The following SYNJ2BP variants were observed in gnomAD, a reference collection of about 807,000 sequenced individuals.
The protein encoded by SYNJ2BP is synaptojanin 2 binding protein, also known as synaptojanin-2-binding protein.
A neutral mutation model predicts 16.9 loss-of-function variants in SYNJ2BP; 10 were observed. That is an observed-to-expected ratio of 0.59 (90% CI 0.36 to 1.00). The LOEUF (loss-of-function observed/expected upper bound fraction) is 1.00, where lower values mean the gene tolerates loss of function less well. Ranked by LOEUF, SYNJ2BP falls within the 50% of genes least tolerant of loss-of-function variation. The pLI, the probability that SYNJ2BP is intolerant of heterozygous loss-of-function variation, is 0.01. For synonymous variants in SYNJ2BP, 54 were observed against 68.4 expected (o/e 0.79, Z 1.04); for missense variants, 162 against 186.7 (o/e 0.87, Z 0.77).
intron 1 of SYNJ2BP, among the ~76,000 whole-genome samples, chr14:70,408,498 C>T (rs910105542): frequency 3.3e-5 from 5 of 152,008 alleles, no homozygotes; most frequent in Non-Finnish European, 7.4e-5. Context: ...TGGTGAAACC[C>T]CATCTCTACT....
Position 70,368,744 on chromosome 14 carries a change from A to G in SYNJ2BP, c.*4247T>C, listed in dbSNP as rs569172006. 32 of 152,336 alleles carry G rather than the reference A, an allele frequency of 2.1e-4. No homozygotes were observed. The highest frequency in any genetic ancestry group is 1.8e-3 in the Admixed American group (27 of 15,304). 9.4% of individuals were successfully genotyped at this position (152,336 alleles called of 1,614,324 possible). A position where few individuals can be genotyped will look rare whatever the true frequency, so the allele number is the denominator to read the frequency against. ...TGCCTGAAGCAATGTATGTAATTTAATAATTTAAATAGTGTTTAATTAAAT... is the reference window on the plus strand; with the variant it reads ...TGCCTGAAGCAATGTATGTAATTTAGTAATTTAAATAGTGTTTAATTAAAT... On this transcript the variant is annotated 3_prime_UTR_variant, in exon 4 of 4. Coordinates refer to ENST00000256366, the MANE Select transcript of SYNJ2BP (RefSeq NM_018373.3).
At chr14:70,375,802 G>A (rs766430181) in intron 2 of SYNJ2BP, 31 bp from the exon 3 acceptor site, 14 of 1,607,216 alleles carry the variant, frequency 8.7e-6, no homozygotes, top group African/African-American at 6.7e-5. Flanking sequence ...AGTAAGAAAG[G>A]AAGAAGGCTA....
intron 1 of SYNJ2BP, among the ~76,000 whole-genome samples, chr14:70,395,042 G>T (rs1486852801): frequency 6.6e-6 from 1 of 152,172 alleles, no homozygotes; most frequent in Non-Finnish European, 1.5e-5. Flanking sequence ...TCTAAGCATT[G>T]CTGGCTATCT....
chr14:70,400,604 G>GTTTAAACATTTAGCTTTATCTTACCTAA (rs1294955027), intron 1 of SYNJ2BP, among the ~76,000 whole-genome samples: 37 of 152,068 alleles, frequency 2.4e-4, no homozygotes, highest in Non-Finnish European at 4.6e-4. Context: ...TCCACAACTT[G>GTTTAAACATTTAGCTTTATCTTACCTAA]TTTAAACATT....
At chr14:70,407,019 A>G (rs1888360021) in intron 1 of SYNJ2BP, among the ~76,000 whole-genome samples, 1 of 152,196 alleles carries the variant, frequency 6.6e-6, no homozygotes, top group Non-Finnish European at 1.5e-5. Context: ...TCATGCCTCA[A>G]AAAAGTTGAG....
chr14:70,407,981 C>T (rs1888384909), intron 1 of SYNJ2BP, among the ~76,000 whole-genome samples: 1 of 152,130 alleles, frequency 6.6e-6, no homozygotes, highest in South Asian at 2.1e-4. Flanking sequence ...TACACAAAGC[C>T]CAACTGGTGT....
chr14:70,398,221 C>A (rs967850979), intron 1 of SYNJ2BP, among the ~76,000 whole-genome samples: 2 of 152,170 alleles, frequency 1.3e-5, no homozygotes, highest in Non-Finnish European at 2.9e-5. Context: ...CAGCCACAGA[C>A]AGCCCAGAAA....
At chr14:70,380,104 C>T (rs1887714879) in intron 2 of SYNJ2BP, among the ~76,000 whole-genome samples, 1 of 152,092 alleles carries the variant, frequency 6.6e-6, no homozygotes, top group Non-Finnish European at 1.5e-5. Flanking sequence ...TTAGGAACCC[C>T]TATTTTATAA....
chr14:70,387,816 G>A (rs1209837667), intron 2 of SYNJ2BP, among the ~76,000 whole-genome samples: 2 of 144,538 alleles, frequency 1.4e-5, no homozygotes, highest in African/African-American at 5.1e-5. Flanking sequence ...GGGTGACAGA[G>A]CAAGAATCTA....
chr14:70,393,965 T>TAAAAAAAAAAAAAAAAAAA (rs71105707), intron 1 of SYNJ2BP, among the ~76,000 whole-genome samples: 1 of 135,710 alleles, frequency 7.4e-6, no homozygotes. Flanking sequence ...AACTTAAAAT[T>TAAAAAAAAAAAAAAAAAAA]AAAAAAAAAA....
Position 70,384,421 on chromosome 14 carries a change from G to C in SYNJ2BP, c.201+4049C>G, listed in dbSNP as rs1887815279. On this transcript the variant is annotated intron_variant, in intron 2 of 3. Transcript: ENST00000256366. ...AGAGACTTCAAAGCCAATAATAAAT[G>C]AATACTTAAGTACATTTCATAGTTA... Among the ~76,000 whole-genome samples, 4 of 152,272 alleles carry C rather than the reference G, an allele frequency of 2.6e-5. 1 individual carries two copies. The South Asian group carries it at 8.3e-4, about 32-fold the overall frequency.
intron 1 of SYNJ2BP, among the ~76,000 whole-genome samples, chr14:70,402,597 C>G (rs1048297664): frequency 2.0e-5 from 3 of 151,310 alleles, no homozygotes; most frequent in Non-Finnish European, 4.4e-5. Flanking sequence ...CCCAGGGAGG[C>G]TGAAGTGGGA....
rs575133541 is a variant in SYNJ2BP at position 70,393,306 on chromosome 14, A to T, written c.65-4700T>A. Among the ~76,000 whole-genome samples, 17 of 152,356 alleles carry T rather than the reference A, an allele frequency of 1.1e-4. No individual in the cohort carries two copies. In the South Asian group the frequency reaches 3.5e-3, roughly 32 times the overall value. On this transcript the variant is annotated intron_variant, in intron 1 of 3. Coordinates refer to ENST00000256366, the MANE Select transcript of SYNJ2BP (RefSeq NM_018373.3). The stretch of plus-strand genomic sequence containing the variant: ...TCATTAAAAAGTCTGGAAACAACAG[A>T]TGCTGGCGAGGATGTGGAGAAATGG...
intron 1 of SYNJ2BP, among the ~76,000 whole-genome samples, chr14:70,398,247 C>T (rs746030138): frequency 2.3e-4 from 35 of 152,308 alleles, no homozygotes; most frequent in Non-Finnish European, 1.3e-4. Context: ...CCACATGTAC[C>T]CATTCCAGTC....
At chr14:70,399,401 C>T (rs928881971) in intron 1 of SYNJ2BP, among the ~76,000 whole-genome samples, 11 of 152,326 alleles carry the variant, frequency 7.2e-5, no homozygotes, top group Non-Finnish European at 1.5e-4. Flanking sequence ...CTGCCCGGGG[C>T]CCAGCCCTGC....
intron 1 of SYNJ2BP, among the ~76,000 whole-genome samples, chr14:70,406,079 TG>T (rs1888338795): frequency 6.6e-6 from 1 of 152,182 alleles, no homozygotes; most frequent in Non-Finnish European, 1.5e-5. Flanking sequence ...AAGGAACCCC[TG>T]GAAGTCCAAC....
intron 1 of SYNJ2BP, among the ~76,000 whole-genome samples, chr14:70,391,462 G>A (rs955022039): frequency 6.6e-6 from 1 of 152,220 alleles, no homozygotes; most frequent in Non-Finnish European, 1.5e-5. Flanking sequence ...AGGTGGAAAA[G>A]CAGATGGAAC....
intron 1 of SYNJ2BP, among the ~76,000 whole-genome samples, chr14:70,415,560 A>G (rs937687448): frequency 1.3e-5 from 2 of 152,036 alleles, no homozygotes; most frequent in Non-Finnish European, 2.9e-5. Context: ...CAAAAAAAAA[A>G]AAAAGAAAAG....
In SYNJ2BP at chr14:70,388,556, C is replaced by T. The variant is rs746785753; in HGVS notation, c.115G>A (p.Asp39Asn). The change falls in exon 2 of 4, where the codon GAC becomes AAC. Residue 39 changes from aspartate to asparagine, a missense_variant. Physicochemically the swap from Asp to Asn is conservative, Grantham distance 23. Coordinates refer to ENST00000256366, the MANE Select transcript of SYNJ2BP (RefSeq NM_018373.3). ...GGTDQQYVSNDSGIYVSRIKE... is the reference protein window; with the variant it reads ...GGTDQQYVSNNSGIYVSRIKE... ...ATGCGGCTGACGTAGATGCCACTGT[C>T]GTTGGAGACATACTGCTGATCTGTC... The T allele has an allele frequency of 4.4e-6, 7 of 1,599,064 alleles. No individual in the cohort carries two copies. Among genetic ancestry groups the T allele is most frequent in the African/African-American group, 2.7e-5 (2 of 73,994 alleles).
Sources: gnomAD v4.1 joint callset for allele counts (sites outside exome capture counted in the v4.1 genomes callset) on GRCh38, gnomAD v4.1.1 for gene constraint, MANE v1.5 for transcripts, NCBI Gene and HGNC (gene_info 2026-07-23, HGNC 2026-07-21) for gene names.